SYT14: variants seen among roughly 807,000 people sequenced by gnomAD.
The protein encoded by SYT14 is synaptotagmin-14.
SYT14 carries 32 observed loss-of-function variants against 74.2 expected under a neutral mutation model. The observed-to-expected ratio is 0.43, with a 90% CI of 0.33 to 0.58. SYT14 has a LOEUF of 0.58. Ranked by LOEUF, SYT14 falls within the 20% of genes least tolerant of loss-of-function variation. SYT14 has a pLI of 0.05. For missense variants in SYT14, 791 were observed against 981.8 expected, an observed-to-expected ratio of 0.81 and a Z score of 2.60; for synonymous variants, 298 against 337.7, an observed-to-expected ratio of 0.88 and a Z score of 1.29.
chr1:210,092,020 G>A (rs1375551624), intron 5 of SYT14, among the ~76,000 whole-genome samples: 1 of 152,154 alleles, frequency 6.6e-6, no homozygotes, highest in Non-Finnish European at 1.5e-5. Flanking sequence ...ACTTTGTGTT[G>A]CAGTATTTAG....
At chr1:210,050,308 T>G (rs542095852) in intron 5 of SYT14, among the ~76,000 whole-genome samples, 2 of 152,342 alleles carry the variant, frequency 1.3e-5, no homozygotes, top group East Asian at 3.9e-4. Flanking sequence ...ACCTTTGCTC[T>G]GGTTCTCAAC....
At chr1:209,977,590 G>A (rs2079391914) in intron 2 of SYT14, among the ~76,000 whole-genome samples, 3 of 152,120 alleles carry the variant, frequency 2.0e-5, no homozygotes, top group Admixed American at 2.0e-4. Flanking sequence ...TAGTCTGATG[G>A]GCTTCCCTTT....
intron 5 of SYT14, among the ~76,000 whole-genome samples, chr1:210,039,148 A>G (rs762676798): frequency 1.3e-5 from 2 of 151,996 alleles, no homozygotes; most frequent in Admixed American, 6.6e-5. Context: ...TTCAAAAGAC[A>G]TATCTTCAAG....
intron 7 of SYT14, among the ~76,000 whole-genome samples, chr1:210,103,032 T>C (rs1282939560): frequency 6.6e-6 from 1 of 152,164 alleles, no homozygotes; most frequent in East Asian, 1.9e-4. Flanking sequence ...ATTGTAACTT[T>C]TGGCAAGGAA....
At chr1:210,108,000 G>A (rs1169300769) in intron 7 of SYT14, among the ~76,000 whole-genome samples, 1 of 152,186 alleles carries the variant, frequency 6.6e-6, no homozygotes, top group Admixed American at 6.5e-5. Context: ...GGATGAATAA[G>A]TAAATAAGTT....
chr1:209,990,644 T>G (rs1171545477), intron 2 of SYT14, among the ~76,000 whole-genome samples: 1 of 149,482 alleles, frequency 6.7e-6, no homozygotes, highest in Non-Finnish European at 1.5e-5. Flanking sequence ...TTGTTATTTA[T>G]CAAAAATTTA....
intron 5 of SYT14, among the ~76,000 whole-genome samples, chr1:210,065,883 C>T (rs983008291): frequency 6.6e-6 from 1 of 151,086 alleles, no homozygotes; most frequent in East Asian, 2.0e-4. Context: ...CCCTTCCCCC[C>T]ACCCCACAAC....
rs1012056679 is a variant in SYT14 at position 210,088,882 on chromosome 1, A to AT, written c.1313-5430dup. 2.4e-4 allele frequency among the ~76,000 whole-genome samples: 35 copies of AT among 148,668 alleles called. 1 individual carries two copies. Among genetic ancestry groups the AT allele is most frequent in the East Asian group, 9.9e-4 (5 of 5,064 alleles). On this transcript the variant is annotated intron_variant, in intron 5 of 9. Transcript: ENST00000637265. ...TTTTCATTATCATTCTCTTCAGGAT[A>AT]TTTTTTTTTTATTATACTTTAAGTT...
intron 7 of SYT14, among the ~76,000 whole-genome samples, chr1:210,151,209 G>A (rs1232365470): frequency 6.6e-6 from 1 of 152,142 alleles, no homozygotes; most frequent in East Asian, 1.9e-4. Context: ...GAATTTGTTT[G>A]ACTTTGCATT....
At chr1:210,094,666 G>GT in intron 6 of SYT14, 73 bp downstream of exon 5, 1 of 1,512,084 alleles carries the variant, frequency 6.6e-7, no homozygotes, top group African/African-American at 1.4e-5. Flanking sequence ...TCTCCTCTTG[G>GT]TAAGAAGAAT....
intron 2 of SYT14, among the ~76,000 whole-genome samples, chr1:209,994,102 A>G (rs1480353768): frequency 6.6e-6 from 1 of 152,058 alleles, no homozygotes; most frequent in Non-Finnish European, 1.5e-5. Context: ...GTGTCCCCCT[A>G]CCTCCAAATG....
chr1:210,139,882 A>G (rs558568656), intron 7 of SYT14, among the ~76,000 whole-genome samples: 1 of 152,224 alleles, frequency 6.6e-6, no homozygotes, highest in African/African-American at 2.4e-5. Flanking sequence ...CTTTTCATTC[A>G]TTGACATTTG....
intron 5 of SYT14, among the ~76,000 whole-genome samples, chr1:210,030,268 A>T (rs1355839635): frequency 1.3e-5 from 2 of 151,860 alleles, no homozygotes; most frequent in Non-Finnish European, 2.9e-5. Flanking sequence ...CAGCCTCCCG[A>T]GTAGCTGGGA....
At chr1:210,045,240 G>A (rs888345587) in intron 5 of SYT14, among the ~76,000 whole-genome samples, 5 of 152,098 alleles carry the variant, frequency 3.3e-5, no homozygotes, top group Non-Finnish European at 7.4e-5. Flanking sequence ...TTAATGCATT[G>A]TAAAACCTTG....
chr1:210,093,450 C>T (rs2081913279), intron 5 of SYT14, among the ~76,000 whole-genome samples: 1 of 152,168 alleles, frequency 6.6e-6, no homozygotes, highest in Non-Finnish European at 1.5e-5. Flanking sequence ...AAATTATTTA[C>T]TGGACTCTGT....
chr1:210,130,690 C>A (rs548366964), intron 7 of SYT14, among the ~76,000 whole-genome samples: 1 of 152,168 alleles, frequency 6.6e-6, no homozygotes, highest in African/African-American at 2.4e-5. Context: ...CAAAATAACA[C>A]ATCGTGATAA....
intron 5 of SYT14, among the ~76,000 whole-genome samples, chr1:210,055,907 G>A (rs1257131674): frequency 6.6e-6 from 1 of 152,038 alleles, no homozygotes; most frequent in African/African-American, 2.4e-5. Flanking sequence ...TAACCATTTA[G>A]AAATCTCTTC....
At chr1:210,045,863 TTA>T (rs1354455347) in intron 5 of SYT14, among the ~76,000 whole-genome samples, 2 of 152,194 alleles carry the variant, frequency 1.3e-5, no homozygotes, top group Non-Finnish European at 2.9e-5. Context: ...GAAATTATCG[TTA>T]TATATTTTCA....
chr1:210,031,710 C>G (rs72649937), intron 5 of SYT14, among the ~76,000 whole-genome samples: 7,631 of 151,984 alleles, frequency 0.05, 1,050 homozygotes, highest in East Asian at 0.42. Flanking sequence ...TATAATATTC[C>G]TTTGTTATCC....
Sources: allele counts gnomAD v4.1 joint callset (sites outside exome capture counted in the v4.1 genomes callset), GRCh38; gene constraint gnomAD v4.1.1; transcripts MANE v1.5; gene names NCBI Gene and HGNC (gene_info 2026-07-23, HGNC 2026-07-21).